PSD3: variants seen among roughly 807,000 people sequenced by gnomAD.
The protein encoded by PSD3 is PH and SEC7 domain-containing protein 3.
In PSD3, 49 loss-of-function variants were observed where a neutral mutation model predicts 105.5. That is an observed-to-expected ratio of 0.46 (90% CI 0.37 to 0.59). PSD3 has a LOEUF of 0.59. PSD3 is among the 20% of genes least tolerant of loss of function. The pLI is 0.00. For synonymous variants in PSD3, 557 were observed against 457.8 expected, an observed-to-expected ratio of 1.22 and a Z score of -2.77; for missense variants, 1,561 against 1,263.8, an observed-to-expected ratio of 1.24 and a Z score of -3.57.
intron 11 of PSD3, among the ~76,000 whole-genome samples, chr8:18,631,334 G>T (rs1306067371): frequency 2.6e-5 from 4 of 152,016 alleles, no homozygotes; most frequent in Non-Finnish European, 5.9e-5. Flanking sequence ...TTGCAAGCAA[G>T]TGGGGGCTGT....
intron 9 of PSD3, among the ~76,000 whole-genome samples, chr8:18,760,371 C>T (rs757125253): frequency 3.3e-5 from 5 of 152,214 alleles, no homozygotes; most frequent in African/African-American, 2.4e-5. Flanking sequence ...TTTATATAGT[C>T]GAAAGGAAAT....
chr8:18,892,444 C>T (rs969994178), intron 2 of PSD3, among the ~76,000 whole-genome samples: 19 of 151,884 alleles, frequency 1.3e-4, no homozygotes, highest in Admixed American at 7.9e-4. Context: ...AGGATGGTCT[C>T]GATCTCCTGA....
chr8:18,665,001 G>A (rs1281673872), intron 9 of PSD3, among the ~76,000 whole-genome samples: 1 of 152,206 alleles, frequency 6.6e-6, no homozygotes, highest in South Asian at 2.1e-4. Context: ...GTCATTAACA[G>A]AGCACCTCGT....
intron 1 of PSD3, among the ~76,000 whole-genome samples, chr8:18,954,959 A>T (rs551819175): frequency 3.3e-5 from 5 of 152,248 alleles, no homozygotes; most frequent in African/African-American, 1.2e-4. Flanking sequence ...AAAAAAAGAG[A>T]TAACATCAAG....
chr8:18,696,309 A>G (rs575570136), intron 9 of PSD3, among the ~76,000 whole-genome samples: 1 of 152,330 alleles, frequency 6.6e-6, no homozygotes, highest in Admixed American at 6.5e-5. Flanking sequence ...ACTTCACATT[A>G]TCTCATTTAA....
chr8:18,665,669 G>A (rs993459057), intron 9 of PSD3, among the ~76,000 whole-genome samples: 1 of 152,208 alleles, frequency 6.6e-6, no homozygotes, highest in Non-Finnish European at 1.5e-5. Flanking sequence ...AGCATCAAAT[G>A]CTACACAGAA....
At chr8:19,068,503 C>T (rs1455112402) in intron 1 of PSD3, among the ~76,000 whole-genome samples, 1 of 152,124 alleles carries the variant, frequency 6.6e-6, no homozygotes, top group Non-Finnish European at 1.5e-5. Context: ...GTTGTCTAAG[C>T]TGGTCTTGAA....
At chr8:18,674,630 A>C (rs144505386) in intron 9 of PSD3, among the ~76,000 whole-genome samples, 4 of 152,298 alleles carry the variant, frequency 2.6e-5, no homozygotes, top group Non-Finnish European at 5.9e-5. Context: ...GGGCACAGAA[A>C]ATCTCCTCAA....
At chr8:18,725,386 G>C (rs1210288628) in intron 9 of PSD3, among the ~76,000 whole-genome samples, 1 of 152,178 alleles carries the variant, frequency 6.6e-6, no homozygotes, top group African/African-American at 2.4e-5. Flanking sequence ...AGATTTCCTT[G>C]GTTGGGGTCA....
At chr8:18,823,780 TCA>T (rs3042864) in intron 4 of PSD3, among the ~76,000 whole-genome samples, 73 of 66,078 alleles carry the variant, frequency 1.1e-3, no homozygotes, top group Non-Finnish European at 1.2e-3. Flanking sequence ...TTAAACACAC[TCA>T]CACACACACA....
At chr8:18,684,575 A>G (rs1305384681) in intron 9 of PSD3, among the ~76,000 whole-genome samples, 1 of 152,222 alleles carries the variant, frequency 6.6e-6, no homozygotes, top group Non-Finnish European at 1.5e-5. Flanking sequence ...GTTTCAGGCC[A>G]CACACTGTTT....
intron 1 of PSD3, among the ~76,000 whole-genome samples, chr8:18,993,077 T>G (rs771627342): frequency 1.7e-4 from 26 of 152,062 alleles, no homozygotes; most frequent in Non-Finnish European, 3.4e-4. Context: ...ATCTAGGGAG[T>G]GACATAGCCT....
At chr8:18,875,292 T>A (rs1817657787) in intron 2 of PSD3, among the ~76,000 whole-genome samples, 1 of 152,150 alleles carries the variant, frequency 6.6e-6, no homozygotes, top group Non-Finnish European at 1.5e-5. Context: ...TTATAACACC[T>A]TCTACAAGAC....
At chr8:18,736,956 T>C (rs1037199721) in intron 9 of PSD3, among the ~76,000 whole-genome samples, 1 of 152,228 alleles carries the variant, frequency 6.6e-6, no homozygotes, top group Non-Finnish European at 1.5e-5. Flanking sequence ...GAGAGATGAT[T>C]ATGCTGAGTG....
intron 1 of PSD3, among the ~76,000 whole-genome samples, chr8:19,023,590 C>G (rs906531448): frequency 4.0e-5 from 6 of 151,690 alleles, no homozygotes; most frequent in African/African-American, 1.5e-4. Context: ...CATTACCGCA[C>G]CCCACTGAAT....
At chr8:18,647,284 G>C (rs1300631303) in intron 10 of PSD3, among the ~76,000 whole-genome samples, 1 of 152,194 alleles carries the variant, frequency 6.6e-6, no homozygotes, top group Non-Finnish European at 1.5e-5. Flanking sequence ...CATAACACAT[G>C]ACTGGAAGGA....
intron 1 of PSD3, among the ~76,000 whole-genome samples, chr8:19,074,602 TA>T (rs1563546493): frequency 8.0e-5 from 3 of 37,480 alleles, no homozygotes; most frequent in South Asian, 1.6e-3. Flanking sequence ...CATATATATA[TA>T]TATATATATT....
chr8:18,530,923 A>G lies in PSD3; in HGVS notation c.*4820T>C, dbSNP rs939712905. ...CACTATATATACTCTCAACAACTTCATTATATAATCAGTCCTATGAGGTTG... is the reference window on the plus strand; with the variant it reads ...CACTATATATACTCTCAACAACTTCGTTATATAATCAGTCCTATGAGGTTG... On this transcript the variant is annotated 3_prime_UTR_variant, in exon 16 of 16. Transcript: ENST00000327040. 2.0e-5 allele frequency: 3 copies of G among 152,242 alleles called. No homozygotes were observed. Among genetic ancestry groups the G allele is most frequent in the Non-Finnish European group, 4.4e-5 (3 of 68,050 alleles). 9.4% of individuals were successfully genotyped at this position (152,242 alleles called of 1,614,324 possible).
At chr8:18,709,358 C>A (rs375695082) in intron 9 of PSD3, among the ~76,000 whole-genome samples, 1 of 152,204 alleles carries the variant, frequency 6.6e-6, no homozygotes, top group African/African-American at 2.4e-5. Context: ...TGGGATGGAG[C>A]CCCTGACGGG....
Sources: allele counts gnomAD v4.1 joint callset (sites outside exome capture counted in the v4.1 genomes callset), GRCh38; gene constraint gnomAD v4.1.1; transcripts MANE v1.5; gene names NCBI Gene and HGNC (gene_info 2026-07-23, HGNC 2026-07-21).